THRB: variants seen among roughly 807,000 people sequenced by gnomAD.
THRB encodes thyroid hormone receptor beta.
A neutral mutation model predicts 47.8 loss-of-function variants in THRB; 12 were observed. The ratio of observed to expected loss-of-function variants is 0.25; its 90% CI spans 0.16 to 0.41. The LOEUF is 0.41. Ranked by LOEUF, THRB falls within the 10% of genes least tolerant of loss-of-function variation. THRB has a pLI of 1.00. For missense variants in THRB, 348 were observed against 589.2 expected, an observed-to-expected ratio of 0.59 and a Z score of 4.24; for synonymous variants, 218 against 212.2, an observed-to-expected ratio of 1.03 and a Z score of -0.24.
At chr3:24,189,212 C>T (rs2043023952) in intron 5 of THRB, among the ~76,000 whole-genome samples, 1 of 151,794 alleles carries the variant, frequency 6.6e-6, no homozygotes, top group South Asian at 2.1e-4. Flanking sequence ...GTGAGATTTT[C>T]AAAACACAAT....
At chr3:24,171,004 T>A (rs1013279415) in intron 5 of THRB, among the ~76,000 whole-genome samples, 1 of 152,240 alleles carries the variant, frequency 6.6e-6, no homozygotes, top group South Asian at 2.1e-4. Context: ...TAGAGCTGTT[T>A]ATTAAACTTA....
At chr3:24,310,510 C>T (rs555702019) in intron 2 of THRB, among the ~76,000 whole-genome samples, 1 of 152,308 alleles carries the variant, frequency 6.6e-6, no homozygotes, top group East Asian at 1.9e-4. Context: ...GTTCCTTAAA[C>T]ATAGATTGCT....
rs373996688 is a variant in THRB, at chr3:24,368,300, T to G, written c.-260-30929A>C. On this transcript the variant is annotated intron_variant, in intron 1 of 10. Coordinates refer to ENST00000646209, the MANE Select transcript of THRB (RefSeq NM_001354712.2). ...TCCTCTTTGTGCCCCCTGACTTTACTGCGGTATTGTGACAAGATGACCATG... is the reference window on the plus strand; with the variant it reads ...TCCTCTTTGTGCCCCCTGACTTTACGGCGGTATTGTGACAAGATGACCATG... 5.3e-5 allele frequency among the ~76,000 whole-genome samples: 8 copies of G among 152,150 alleles called. No homozygotes were observed. The East Asian group carries it at 9.6e-4, about 18-fold the overall frequency.
intron 8 of THRB, among the ~76,000 whole-genome samples, chr3:24,139,460 T>C (rs2035157733): frequency 6.6e-6 from 1 of 151,670 alleles, no homozygotes; most frequent in African/African-American, 2.4e-5. Context: ...CACAGCTCAC[T>C]GTAGCCTTGA....
chr3:24,193,181 C>T (rs2043555413), intron 4 of THRB, among the ~76,000 whole-genome samples: 1 of 152,180 alleles, frequency 6.6e-6, no homozygotes, highest in South Asian at 2.1e-4. Flanking sequence ...ATGTCTAATG[C>T]CCATATCCTT....
At chr3:24,280,797 C>A (rs894224733) in intron 3 of THRB, among the ~76,000 whole-genome samples, 12 of 151,722 alleles carry the variant, frequency 7.9e-5, no homozygotes, top group African/African-American at 2.4e-4. Context: ...AATGCAGAAG[C>A]CTCAGGAGCC....
At chr3:24,225,106 G>A (rs1009834521) in intron 4 of THRB, among the ~76,000 whole-genome samples, 1 of 152,192 alleles carries the variant, frequency 6.6e-6, no homozygotes, top group Non-Finnish European at 1.5e-5. Context: ...AGAAATGCGA[G>A]TGGTGAATAA....
intron 1 of THRB, among the ~76,000 whole-genome samples, chr3:24,340,919 A>C (rs1416557946): frequency 6.6e-6 from 1 of 152,040 alleles, no homozygotes; most frequent in East Asian, 1.9e-4. Flanking sequence ...TTTAAACATT[A>C]TTTGTATTTC....
At chr3:24,235,282 T>C (rs2048744225) in intron 3 of THRB, among the ~76,000 whole-genome samples, 1 of 152,186 alleles carries the variant, frequency 6.6e-6, no homozygotes, top group Non-Finnish European at 1.5e-5. Context: ...TCCCCTTGTG[T>C]TTCCTTTCTC....
chr3:24,340,245 C>T (rs1009717602), intron 1 of THRB, among the ~76,000 whole-genome samples: 1 of 152,088 alleles, frequency 6.6e-6, no homozygotes, highest in African/African-American at 2.4e-5. Flanking sequence ...TATTTTGTTG[C>T]AAAGCATTTA....
intron 1 of THRB, among the ~76,000 whole-genome samples, chr3:24,447,364 A>G (rs1249093413): frequency 2.6e-5 from 4 of 152,202 alleles, no homozygotes; most frequent in Non-Finnish European, 5.9e-5. Context: ...TGAGCTTAAA[A>G]TAATCTCAAC....
rs6770819 is a variant in THRB at position 24,488,497 on chromosome 3, G to A, written c.-261+6155C>T. 9.8e-3 allele frequency among the ~76,000 whole-genome samples: 1,490 copies of A among 151,746 alleles called. 21 individuals are homozygous for A. Among genetic ancestry groups the A allele is most frequent in the African/African-American group, 0.034 (1,396 of 41,416 alleles). ...ATGCAGATCAGCAAGACAAACGTAA[G>A]TTGAGATATGTAAGCCACAAGTTTC... is the stretch of plus-strand genomic sequence containing the variant. On this transcript the variant is annotated intron_variant, in intron 1 of 10. Transcript: ENST00000646209.
At chr3:24,157,605 C>A (rs1480513932) in intron 5 of THRB, among the ~76,000 whole-genome samples, 1 of 152,192 alleles carries the variant, frequency 6.6e-6, no homozygotes, top group African/African-American at 2.4e-5. Context: ...CCATGGCTCA[C>A]TGGAGCCTTG....
At chr3:24,218,341 TC>T (rs71622767) in intron 4 of THRB, among the ~76,000 whole-genome samples, 7,331 of 98,058 alleles carry the variant, frequency 0.075, 356 homozygotes, top group African/African-American at 0.19. Context: ...TCTCTCTCTC[TC>T]TTTTTTTTTT....
chr3:24,205,883 A>G (rs2045283319), intron 4 of THRB, among the ~76,000 whole-genome samples: 1 of 152,246 alleles, frequency 6.6e-6, no homozygotes, highest in Non-Finnish European at 1.5e-5. Flanking sequence ...TTAAACCAAC[A>G]AAGATCAAAA....
chr3:24,325,595 G>A (rs906836279), intron 2 of THRB, among the ~76,000 whole-genome samples: 11 of 152,188 alleles, frequency 7.2e-5, no homozygotes, highest in Non-Finnish European at 1.3e-4. Context: ...ACTGAGGCAG[G>A]AGAATCACTT....
intron 4 of THRB, among the ~76,000 whole-genome samples, chr3:24,216,543 G>A (rs1315885044): frequency 6.6e-6 from 1 of 152,106 alleles, no homozygotes; most frequent in South Asian, 2.1e-4. Context: ...GGGAGGCGGA[G>A]CTTGCAGTGA....
intron 2 of THRB, among the ~76,000 whole-genome samples, chr3:24,326,750 T>G (rs948297204): frequency 1.4e-5 from 2 of 144,270 alleles, no homozygotes; most frequent in African/African-American, 5.3e-5. Context: ...AGCTGTCCAG[T>G]CTTGTCTTTT....
intron 1 of THRB, among the ~76,000 whole-genome samples, chr3:24,352,689 A>C (rs866827617): frequency 6.6e-6 from 1 of 152,166 alleles, no homozygotes; most frequent in African/African-American, 2.4e-5. Flanking sequence ...TTAAATGTAA[A>C]CAGCAGGATG....
Sources: gnomAD v4.1 joint callset for allele counts (sites outside exome capture counted in the v4.1 genomes callset) on GRCh38, gnomAD v4.1.1 for gene constraint, MANE v1.5 for transcripts, NCBI Gene and HGNC (gene_info 2026-07-23, HGNC 2026-07-21) for gene names.